Variants in MED12L observed in about 807,000 individuals in gnomAD.
The protein encoded by MED12L is mediator complex subunit 12L, also known as mediator of RNA polymerase II transcription subunit 12-like protein.
Under a neutral mutation model 281.3 loss-of-function variants are expected in MED12L, and 60 were observed. That is an observed-to-expected ratio of 0.21 (90% CI 0.17 to 0.26). The LOEUF (loss-of-function observed/expected upper bound fraction) is 0.26. MED12L is among the 10% of genes least tolerant of loss of function. The pLI is 1.00. For missense variants in MED12L, 2,146 were observed against 2,680.9 expected, an observed-to-expected ratio of 0.80 and a Z score of 4.41; for synonymous variants, 974 against 987.2, an observed-to-expected ratio of 0.99 and a Z score of 0.25.
intron 5 of MED12L, among the ~76,000 whole-genome samples, chr3:151,128,755 T>G (rs1714918794): frequency 1.3e-5 from 2 of 152,272 alleles, no homozygotes; most frequent in African/African-American, 4.8e-5. Flanking sequence ...GTTCTCACGT[T>G]ATTATTTTAT....
chr3:151,103,690 ACTTACC>A (rs1721657458), intron 2 of MED12L, among the ~76,000 whole-genome samples: 1 of 152,174 alleles, frequency 6.6e-6, no homozygotes, highest in African/African-American at 2.4e-5. Context: ...ACTGATTTCC[ACTTACC>A]CTTTACAGTA....
At chr3:151,120,744 G>A (rs1254192836) in intron 3 of MED12L, among the ~76,000 whole-genome samples, 1 of 152,088 alleles carries the variant, frequency 6.6e-6, no homozygotes. Flanking sequence ...GGAATGAGGC[G>A]GCTCTTTACT....
At chr3:151,097,620 C>T (rs149783162) in intron 2 of MED12L, among the ~76,000 whole-genome samples, 2 of 152,362 alleles carry the variant, frequency 1.3e-5, no homozygotes, top group African/African-American at 2.4e-5. Context: ...TGGATTTCAA[C>T]TGGCGAGGGG....
chr3:151,357,116 G>A (rs1163157462), intron 19 of MED12L, 97 bp from the exon 20 acceptor site: 1 of 993,200 alleles, frequency 1.0e-6, no homozygotes. Flanking sequence ...TGTATTTGTA[G>A]TGTAATGACT....
intron 16 of MED12L, among the ~76,000 whole-genome samples, chr3:151,339,431 T>TA (rs3975402): frequency 0.04 from 5,840 of 145,814 alleles, 113 homozygotes; most frequent in East Asian, 0.06. Flanking sequence ...ACTGAATCAG[T>TA]AAAAAAAAAA....
intron 5 of MED12L, among the ~76,000 whole-genome samples, chr3:151,144,194 T>C (rs1717441865): frequency 6.6e-6 from 1 of 152,056 alleles, no homozygotes; most frequent in Non-Finnish European, 1.5e-5. Context: ...GGGCTAAAAT[T>C]GGATTCTGTG....
At chr3:151,282,895 A>G (rs750535881) in intron 16 of MED12L, among the ~76,000 whole-genome samples, 1 of 152,226 alleles carries the variant, frequency 6.6e-6, no homozygotes, top group Non-Finnish European at 1.5e-5. Flanking sequence ...ATGTTTCCCT[A>G]TGTGAAGCAT....
intron 16 of MED12L, chr3:151,327,736 A>T (rs1749808380): frequency 5.2e-6 from 1 of 192,262 alleles, no homozygotes; most frequent in Non-Finnish European, 1.1e-5. Context: ...CTTGAAATTA[A>T]AAAAAAAAAA....
chr3:151,297,577 T>C (rs1166346992), intron 16 of MED12L, among the ~76,000 whole-genome samples: 1 of 152,202 alleles, frequency 6.6e-6, no homozygotes, highest in African/African-American at 2.4e-5. Context: ...TAAATACAAA[T>C]ATATTAGTTC....
chr3:151,203,019 C>T (rs990069934), intron 16 of MED12L: 2 of 151,936 alleles, frequency 1.3e-5, no homozygotes, highest in African/African-American at 4.8e-5. Context: ...GCTTTTTCTA[C>T]TTATAAGCCT....
At chr3:151,108,557 A>C (rs1711496938) in intron 2 of MED12L, among the ~76,000 whole-genome samples, 1 of 152,202 alleles carries the variant, frequency 6.6e-6, no homozygotes, top group South Asian at 2.1e-4. Context: ...AAAACCATGA[A>C]AAGTGTTTTG....
intron 16 of MED12L, among the ~76,000 whole-genome samples, chr3:151,200,000 C>A (rs1017646621): frequency 1.3e-5 from 2 of 152,104 alleles, no homozygotes; most frequent in African/African-American, 4.8e-5. Flanking sequence ...ACAAAAAAAC[C>A]CACAACTACC....
At chr3:151,378,971 T>C (rs1421231266) in intron 31 of MED12L, among the ~76,000 whole-genome samples, 1 of 152,212 alleles carries the variant, frequency 6.6e-6, no homozygotes, top group African/African-American at 2.4e-5. Flanking sequence ...CTTTATATCA[T>C]GTTGAAACAG....
At chr3:151,170,277 CT>C (rs113849929) in intron 11 of MED12L, among the ~76,000 whole-genome samples, 871 of 137,712 alleles carry the variant, frequency 6.3e-3, no homozygotes, top group African/African-American at 0.011. Context: ...TTTTCTTTTT[CT>C]TTTTTTTTTT....
intron 26 of MED12L, 26 bp downstream of exon 26, chr3:151,369,575 C>T: frequency 7.0e-7 from 1 of 1,438,370 alleles, no homozygotes; most frequent in Non-Finnish European, 9.6e-7. Context: ...CCCTAAGCTT[C>T]TTGGTTAATC....
chr3:151,312,990 A>T (rs566657318), intron 16 of MED12L, among the ~76,000 whole-genome samples: 1 of 152,092 alleles, frequency 6.6e-6, no homozygotes, highest in African/African-American at 2.4e-5. Context: ...AGATGAAAAA[A>T]CCTGAGGCTT....
At chr3:151,223,291 A>G (rs1331451374) in intron 16 of MED12L, among the ~76,000 whole-genome samples, 1 of 152,038 alleles carries the variant, frequency 6.6e-6, no homozygotes, top group African/African-American at 2.4e-5. Flanking sequence ...GAGATTTCTC[A>G]AAGAACTAAA....
intron 17 of MED12L, among the ~76,000 whole-genome samples, chr3:151,353,441 C>T (rs977605602): frequency 6.6e-6 from 1 of 152,146 alleles, no homozygotes; most frequent in African/African-American, 2.4e-5. Flanking sequence ...TTTGTTAGTT[C>T]CTAATCTTTG....
At chr3:151,211,048 GTTAAT>G (rs1484714925) in intron 16 of MED12L, among the ~76,000 whole-genome samples, 4 of 152,180 alleles carry the variant, frequency 2.6e-5, no homozygotes, top group Non-Finnish European at 5.9e-5. Context: ...AAGTCGCTGG[GTTAAT>G]TTATTATTGC....
Sources: gnomAD v4.1 joint callset for allele counts (sites outside exome capture counted in the v4.1 genomes callset) on GRCh38, gnomAD v4.1.1 for gene constraint, MANE v1.5 for transcripts, NCBI Gene and HGNC (gene_info 2026-07-23, HGNC 2026-07-21) for gene names.